Variants in SEC16A observed in about 807,000 individuals in gnomAD.
The protein encoded by SEC16A is SEC16 homolog A, endoplasmic reticulum export factor.
A neutral mutation model predicts 221.9 loss-of-function variants in SEC16A; 110 were observed. That is an observed-to-expected ratio of 0.50 (90% CI 0.42 to 0.58). SEC16A has a LOEUF of 0.58. SEC16A is among the 20% of genes least tolerant of loss of function. The probability of loss-of-function intolerance (pLI) is 0.00; values close to 1 mark genes in which losing one functional copy is unlikely to be tolerated. For synonymous variants in SEC16A, 1,393 were observed against 1,257.7 expected, an observed-to-expected ratio of 1.11 and a Z score of -2.28; for missense variants, 3,165 against 3,097.8, an observed-to-expected ratio of 1.02 and a Z score of -0.52.
intron 19 of SEC16A, 72 bp downstream of exon 19, chr9:136,455,973 ACATACTTT>A: frequency 7.8e-7 from 1 of 1,278,650 alleles, no homozygotes; most frequent in Middle Eastern, 1.9e-4. Flanking sequence ...CTTTACAGAT[ACATACTTT>A]CAGTGTGGAA....
At chr9:136,443,996 C>G in intron 30 of SEC16A, 96 bp from the exon 31 acceptor site, 2 of 779,292 alleles carry the variant, frequency 2.6e-6, no homozygotes, top group Non-Finnish European at 4.0e-6. Flanking sequence ...GTGGGATTTA[C>G]AGTACTTTTA....
At chr9:136,456,192 C>G in intron 18 of SEC16A, 26 bp from the exon 19 acceptor site, 2 of 1,564,422 alleles carry the variant, frequency 1.3e-6, no homozygotes, top group Non-Finnish European at 8.8e-7. Context: ...AATCAAAGGC[C>G]CCTGTCACCA....
At chr9:136,464,199 T>C (rs1322345805) in intron 9 of SEC16A, among the ~76,000 whole-genome samples, 2 of 151,830 alleles carry the variant, frequency 1.3e-5, no homozygotes, top group Non-Finnish European at 2.9e-5. Flanking sequence ...TCAAACCACG[T>C]TGAACACCCA....
chr9:136,451,221 C>A, intron 23 of SEC16A, 35 bp downstream of exon 23: 1 of 1,594,332 alleles, frequency 6.3e-7, no homozygotes. Flanking sequence ...CAAACCCTCC[C>A]GGCCGCCAGG....
chr9:136,475,292 G>C lies in SEC16A; in HGVS notation c.2324C>G (p.Ser775Trp). The C allele has an allele frequency of 1.2e-6, 2 of 1,613,322 alleles. No homozygotes were observed. The highest frequency in any genetic ancestry group is 1.7e-6 in the Non-Finnish European group (2 of 1,179,728). ...MSGQQSRNPS[S>W]AAPVQSRGGI... ...ACCTCGGCTCTGCACCGGGGCCGCC[G>C]AGCTTGGGTTCCGTGACTGCTGCCC... Residue 775 changes from serine (S) to tryptophan (W), a missense_variant, in exon 3 of 32, where the codon TCG (serine) becomes TGG (tryptophan). By Grantham distance (177) the Ser-to-Trp change is radical. Transcript: ENST00000684901. The surrounding 1 kb of genome is among the most constrained non-coding windows in gnomAD (Gnocchi z 5.0).
At chr9:136,483,720 G>A (rs1467954678), upstream of SEC16A, 1 of 985,378 alleles carries the variant, frequency 1.0e-6, no homozygotes, top group Non-Finnish European at 1.2e-6. Flanking sequence ...ACTCCGCCCA[G>A]CTGAGAAGCG....
At chr9:136,446,677 C>T (rs535239152) in intron 28 of SEC16A, among the ~76,000 whole-genome samples, 178 bp downstream of exon 28, 4 of 152,280 alleles carry the variant, frequency 2.6e-5, no homozygotes, top group South Asian at 4.2e-4. Context: ...AGCTCTGTCC[C>T]GCCCGGCACC....
intron 20 of SEC16A, 103 bp from the exon 21 acceptor site, chr9:136,454,430 G>A: frequency 9.2e-7 from 1 of 1,085,614 alleles, no homozygotes; most frequent in South Asian, 1.3e-5. Flanking sequence ...ATTTTGTACA[G>A]CCCCATTTCT....
chr9:136,483,447 C>T (rs1842672455), upstream of SEC16A: 3 of 672,558 alleles, frequency 4.5e-6, no homozygotes, highest in Non-Finnish European at 5.5e-6. Context: ...TTTGGCCCCG[C>T]CCCTCGGCCG....
At position 136,459,691 on chromosome 9, in the gene SEC16A, C is replaced by T. The variant is rs893850036; in HGVS notation, c.5191+66G>A. ...GGGTTCTGGTGATTTCTGCCAACGC[C>T]ACAGACAACCGGGCCTTCGGCGCTC... On this transcript the variant is annotated intron_variant, in intron 15 of 31. Transcript: ENST00000684901. The surrounding 1 kb of genome is among the most constrained non-coding windows in gnomAD (Gnocchi z 6.1). 7 of 1,436,172 alleles carry T rather than the reference C, an allele frequency of 4.9e-6. No homozygotes were observed. Among genetic ancestry groups the T allele is most frequent in the Non-Finnish European group, 6.7e-6 (7 of 1,044,718 alleles). The allele number at this position is 1,436,172 out of a possible 1,614,324, so 89.0% of individuals were successfully genotyped here.
chr9:136,482,989 C>A lies in SEC16A; in HGVS notation c.-243G>T. The A allele has an allele frequency of 1.0e-6, 1 of 985,352 alleles. No individual in the cohort carries two copies. The highest frequency in any genetic ancestry group is 1.7e-5 in the African/African-American group (1 of 57,330). The allele number at this position is 985,352 out of a possible 1,614,324, so 61.0% of individuals were successfully genotyped here. A position where few individuals can be genotyped will look rare whatever the true frequency, so the allele number is the denominator to read the frequency against. Reference sequence around the variant, plus strand: ...GAGCCGCGGGCGAAAGCCCACCCGACGCTGGCGACGAGCACAGACACCTCA... The same window carrying A: ...GAGCCGCGGGCGAAAGCCCACCCGAAGCTGGCGACGAGCACAGACACCTCA... On this transcript the variant is annotated 5_prime_UTR_variant, in exon 1 of 32. Transcript: ENST00000684901.
chr9:136,474,562 A>G lies in SEC16A; in HGVS notation c.3054T>C (p.Ala1018=). 6.2e-7 allele frequency: 1 copy of G among 1,612,912 alleles called. No homozygotes were observed. The highest frequency in any genetic ancestry group is 1.3e-5 in the African/African-American group (1 of 75,074). ...VYNPSHSDSL[A]SQQSVASHPR... is the part of the protein sequence containing the mutation. ...GATGACTGGCAACACTTTGCTGAGA[A>G]GCGAGGCTGTCAGAATGGGACGGGT... is the stretch of plus-strand genomic sequence containing the variant. Residue 1018 remains alanine (A), a synonymous_variant, in exon 3 of 32, where the codon GCT becomes GCC. Coordinates refer to ENST00000684901, the MANE Select transcript of SEC16A (RefSeq NM_014866.2).
At chr9:136,483,545 G>T, upstream of SEC16A, 1 of 985,136 alleles carries the variant, frequency 1.0e-6, no homozygotes, top group Non-Finnish European at 1.2e-6. Flanking sequence ...GCCCGGCCAG[G>T]CGCGCCGGGG....
intron 22 of SEC16A, among the ~76,000 whole-genome samples, chr9:136,451,907 C>T (rs752036039): frequency 2.6e-5 from 4 of 152,218 alleles, no homozygotes; most frequent in South Asian, 2.1e-4. Flanking sequence ...CTATAGCAAT[C>T]GCCTACTGAT....
Position 136,460,118 on chromosome 9 carries a change from G to C in SEC16A, c.4997C>G (p.Ala1666Gly). ...AGGGTCGTTGATTGGGAGGCTGTTA[G>C]CAAACCTAGGCAGACATAAACACAG... ...RTHARVMTRF[A>G]NSLPINDPLQ... Residue 1666 changes from alanine to glycine, a missense_variant, in exon 14 of 32, where the codon GCT becomes GGT. Around this residue, in one of 3 missense-constraint regions of SEC16A, gnomAD observed 1,088 missense variants for 1,089.6 expected, o/e 1.00. Transcript: ENST00000684901. 6.2e-7 allele frequency: 1 copy of C among 1,602,408 alleles called. No homozygotes were observed. The highest frequency in any genetic ancestry group is 1.1e-5 in the South Asian group (1 of 88,990).
chr9:136,466,519 C>T lies in SEC16A; in HGVS notation c.3930-57G>A. 6.7e-7 allele frequency: 1 copy of T among 1,489,810 alleles called. No individual in the cohort carries two copies. The highest frequency in any genetic ancestry group is 9.0e-7 in the Non-Finnish European group (1 of 1,106,750). The allele number at this position is 1,489,810 out of a possible 1,614,324, so 92.3% of individuals were successfully genotyped here. On this transcript the variant is annotated intron_variant, in intron 6 of 31. Transcript: ENST00000684901. This position sits in a 1 kb window ranked among gnomAD's most constrained non-coding sequence, Gnocchi z 5.5. The stretch of plus-strand genomic sequence containing the variant: ...ATGGGAGTGCCGGAGGCCCCGTCCC[C>T]ATGTGCCACGCAGCTGCCCAGGAGC...
rs1836065207 is a variant in SEC16A at position 136,440,421 on chromosome 9, C to T, written c.*1334G>A. 1 of 152,556 alleles carries T rather than the reference C, an allele frequency of 6.6e-6. No individual in the cohort carries two copies. Among genetic ancestry groups the T allele is most frequent in the South Asian group, 2.1e-4 (1 of 4,828 alleles). 9.5% of individuals were successfully genotyped at this position (152,556 alleles called of 1,614,324 possible). On this transcript the variant is annotated 3_prime_UTR_variant, in exon 32 of 32. Coordinates refer to ENST00000684901, the MANE Select transcript of SEC16A (RefSeq NM_014866.2). ...CTAAATGATCAAGTGAAACAGAAAG[C>T]CAGGAAGGATCTGTGCTAATTCCAC...
Position 136,447,817 on chromosome 9 carries a change from A to G in SEC16A, c.6447+36T>C, listed in dbSNP as rs768334228. The G allele has an allele frequency of 1.3e-6, 2 of 1,592,984 alleles. No individual in the cohort carries two copies. Among genetic ancestry groups the G allele is most frequent in the South Asian group, 2.2e-5 (2 of 89,248 alleles). ...ACATGAGGCTGTTCCCTCCACTCAC[A>G]CCTCACACCCAACAGGAACTAGAAT... On this transcript the variant is annotated intron_variant, in intron 25 of 31. Transcript: ENST00000684901. This position sits in a 1 kb window ranked among gnomAD's most constrained non-coding sequence, Gnocchi z 5.5.
At position 136,477,215 on chromosome 9, in the gene SEC16A, G is replaced by C. The variant is rs1463866187; in HGVS notation, c.401C>G (p.Pro134Arg). ...TGCACTCCTGTTCATCTCAGGCCCA[G>C]GAGGTGCTGAAGGTGTCAATGCACC... ...FSGALTPSAP[P>R]GPEMNRSAEV... is the part of the protein sequence containing the mutation. Residue 134 changes from proline to arginine, a missense_variant, in exon 3 of 32, where the codon CCT (proline) becomes CGT (arginine). Pro to Arg is a moderately radical substitution (Grantham distance 103). This residue lies in a region of SEC16A where 2,030 missense variants were observed against 1,923.1 expected (regional missense o/e 1.06). Transcript: ENST00000684901. 10 of 1,613,918 alleles carry C rather than the reference G, an allele frequency of 6.2e-6. No individual in the cohort carries two copies. The highest frequency in any genetic ancestry group is 8.5e-6 in the Non-Finnish European group (10 of 1,179,894).
Sources: gnomAD v4.1 joint callset for allele counts (sites outside exome capture counted in the v4.1 genomes callset) on GRCh38, gnomAD v4.1.1 for gene constraint, gnomAD v4.1.1 regional missense constraint, Gnocchi (gnomAD v3.1) non-coding constraint, MANE v1.5 for transcripts, NCBI Gene and HGNC (gene_info 2026-07-23, HGNC 2026-07-21) for gene names.